ATP6V1C2: variants seen among roughly 807,000 people sequenced by gnomAD.
The protein encoded by ATP6V1C2 is V-type proton ATPase subunit C 2.
ATP6V1C2 carries 45 observed loss-of-function variants against 56.8 expected under a neutral mutation model. That is an observed-to-expected ratio of 0.79 (90% CI 0.62 to 1.02). ATP6V1C2 has a LOEUF of 1.02. ATP6V1C2 is among the 50% of genes least tolerant of loss of function. The pLI is 0.00. For missense variants in ATP6V1C2, 463 were observed against 519.7 expected (o/e 0.89, Z 1.06); for synonymous variants, 220 against 201.3 (o/e 1.09, Z -0.79).
In ATP6V1C2 at chr2:10,764,417, A is replaced by G. The variant is rs559129299; in HGVS notation, c.370A>G (p.Ile124Val). 6.2e-7 allele frequency: 1 copy of G among 1,613,910 alleles called. No homozygotes were observed. Among genetic ancestry groups the G allele is most frequent in the Non-Finnish European group, 8.5e-7 (1 of 1,179,770 alleles). The change falls in exon 5 of 14, where the codon ATA (isoleucine) becomes GTA (valine). Residue 124 changes from isoleucine (I) to valine (V), a missense_variant. Ile to Val is a conservative substitution (Grantham distance 29). Transcript: ENST00000272238. ...GCCGCTCGTGAGTGTGGTGGACACA[A>G]TAGCCAAGGTGAGAAAAGGGACTGC... ...KQPLVSVVDT[I>V]AKQLAQIEMD...
At chr2:10,730,546 T>C (rs1432405233) in intron 3 of ATP6V1C2, among the ~76,000 whole-genome samples, 1 of 151,828 alleles carries the variant, frequency 6.6e-6, no homozygotes, top group East Asian at 1.9e-4. Context: ...TTGCTTTGTA[T>C]GGGATGTTGG....
chr2:10,729,604 C>G (rs1661845841), intron 3 of ATP6V1C2, among the ~76,000 whole-genome samples: 1 of 152,074 alleles, frequency 6.6e-6, no homozygotes, highest in Non-Finnish European at 1.5e-5. Flanking sequence ...GCTTGTAATC[C>G]CAGCACTTTG....
Position 10,746,308 on chromosome 2 carries a change from T to A in ATP6V1C2, c.198-7673T>A, listed in dbSNP as rs1009964626. ...AGCCACTGAGCCCAGCCTTGGCTAT[T>A]GTTAATAATGCCGCTATGTTTATTT... On this transcript the variant is annotated intron_variant, in intron 3 of 13. Transcript: ENST00000272238. 5.3e-5 allele frequency among the ~76,000 whole-genome samples: 8 copies of A among 152,200 alleles called. No homozygotes were observed. The South Asian group carries it at 1.4e-3, about 28-fold the overall frequency.
chr2:10,778,627 T>C lies in ATP6V1C2; in HGVS notation c.1019T>C (p.Ile340Thr). 1 of 1,614,202 alleles carries C rather than the reference T, an allele frequency of 6.2e-7. No homozygotes were observed. Among genetic ancestry groups the C allele is most frequent in the Non-Finnish European group, 8.5e-7 (1 of 1,180,032 alleles). Residue 340 changes from isoleucine to threonine, a missense_variant, in exon 12 of 14, where the codon ATC (isoleucine) becomes ACC (threonine). Transcript: ENST00000272238. ...VNFSEAFIAWIHIKALRVFVE... is the reference protein window; with the variant it reads ...VNFSEAFIAWTHIKALRVFVE... ...TTCAGTGAAGCCTTCATTGCCTGGA[T>C]CCACATCAAGGCCCTGAGAGTGTTT...
intron 3 of ATP6V1C2, among the ~76,000 whole-genome samples, chr2:10,747,287 AAG>A (rs1662971171): frequency 6.6e-6 from 1 of 152,184 alleles, no homozygotes; most frequent in African/African-American, 2.4e-5. Context: ...AAAGAAAAAA[AAG>A]AAAAGAATTC....
At chr2:10,779,665 A>C (rs923055166) in intron 12 of ATP6V1C2, among the ~76,000 whole-genome samples, 1 of 146,936 alleles carries the variant, frequency 6.8e-6, no homozygotes, top group African/African-American at 2.5e-5. Context: ...GAGCCTGGGC[A>C]ACAAGAGAAA....
chr2:10,783,704 T>A lies in ATP6V1C2; in HGVS notation c.*441T>A, dbSNP rs2148524311. Reference sequence around the variant, plus strand: ...TTTCCATGTAAAATCTCTGTTGTGGTGGGCATAGGTGGCACCATCTAAAGA... The same window carrying A: ...TTTCCATGTAAAATCTCTGTTGTGGAGGGCATAGGTGGCACCATCTAAAGA... On this transcript the variant is annotated 3_prime_UTR_variant, in exon 14 of 14. Transcript: ENST00000272238. 1 of 161,006 alleles carries A rather than the reference T, an allele frequency of 6.2e-6. No individual in the cohort carries two copies. The highest frequency in any genetic ancestry group is 1.8e-4 in the South Asian group (1 of 5,504). The allele number at this position is 161,006 out of a possible 1,614,324, so 10.0% of individuals were successfully genotyped here. A position where few individuals can be genotyped will look rare whatever the true frequency, so the allele number is the denominator to read the frequency against.
At chr2:10,728,030 T>C (rs1661744638) in intron 3 of ATP6V1C2, among the ~76,000 whole-genome samples, 1 of 152,242 alleles carries the variant, frequency 6.6e-6, no homozygotes, top group South Asian at 2.1e-4. Flanking sequence ...AGCCAATACA[T>C]GCACAAATAA....
chr2:10,764,732 G>T (rs1268917059), intron 5 of ATP6V1C2, among the ~76,000 whole-genome samples: 3 of 152,242 alleles, frequency 2.0e-5, no homozygotes, highest in African/African-American at 7.2e-5. Context: ...AGCACTTTGG[G>T]AGGCCAAGGT....
chr2:10,759,371 C>A (rs1402731319), intron 4 of ATP6V1C2, among the ~76,000 whole-genome samples: 1 of 152,212 alleles, frequency 6.6e-6, no homozygotes, highest in Non-Finnish European at 1.5e-5. Flanking sequence ...GACAGAAACC[C>A]TCGAGGCTTG....
At chr2:10,760,980 T>C (rs1016532031) in intron 4 of ATP6V1C2, among the ~76,000 whole-genome samples, 1 of 152,218 alleles carries the variant, frequency 6.6e-6, no homozygotes, top group Non-Finnish European at 1.5e-5. Context: ...GCACTTGCTC[T>C]GTGCAGGGTA....
At chr2:10,772,079 C>T (rs1664647546) in intron 7 of ATP6V1C2, 142 bp downstream of exon 7, 1 of 714,736 alleles carries the variant, frequency 1.4e-6, no homozygotes, top group Admixed American at 2.2e-5. Flanking sequence ...TCATGGGGCC[C>T]TGCCTGCGGC....
chr2:10,768,332 G>C, intron 5 of ATP6V1C2: 1 of 203,696 alleles, frequency 4.9e-6, no homozygotes, highest in Non-Finnish European at 9.9e-6. Context: ...CGGCACAGCC[G>C]AGCCAGGAGA....
At chr2:10,766,222 G>T (rs1448613362) in intron 5 of ATP6V1C2, among the ~76,000 whole-genome samples, 1 of 152,178 alleles carries the variant, frequency 6.6e-6, no homozygotes, top group Admixed American at 6.5e-5. Flanking sequence ...AGCAGCAGGG[G>T]CAGAGGCTCC....
intron 2 of ATP6V1C2, among the ~76,000 whole-genome samples, chr2:10,724,728 C>T (rs1187366085): frequency 3.3e-5 from 5 of 150,458 alleles, no homozygotes; most frequent in East Asian, 3.9e-4. Flanking sequence ...GCTGGAATGC[C>T]GTGGTGCAAT....
intron 12 of ATP6V1C2, among the ~76,000 whole-genome samples, chr2:10,779,686 A>AG (rs1385102874): frequency 0.057 from 7,194 of 126,494 alleles, 682 homozygotes; most frequent in African/African-American, 0.19. Context: ...CTCCGGCTAT[A>AG]GAAAAAAAAA....
chr2:10,749,130 C>CAAAA (rs56095492), intron 3 of ATP6V1C2, among the ~76,000 whole-genome samples: 2 of 94,772 alleles, frequency 2.1e-5, no homozygotes, highest in Non-Finnish European at 2.1e-5. Context: ...AACTCCGTCT[C>CAAAA]AAAAAAAAAA....
chr2:10,773,896 GA>G (rs1017290624), intron 8 of ATP6V1C2, among the ~76,000 whole-genome samples: 1 of 152,224 alleles, frequency 6.6e-6, no homozygotes, highest in African/African-American at 2.4e-5. Flanking sequence ...AGGGTGCAAG[GA>G]ACAGGACAAT....
At chr2:10,742,670 C>A (rs1442768288) in intron 3 of ATP6V1C2, among the ~76,000 whole-genome samples, 2 of 152,132 alleles carry the variant, frequency 1.3e-5, no homozygotes, top group Non-Finnish European at 2.9e-5. Flanking sequence ...TCAGGAGCCC[C>A]CCTCACCGTT....
Sources: allele counts gnomAD v4.1 joint callset (sites outside exome capture counted in the v4.1 genomes callset), GRCh38; gene constraint gnomAD v4.1.1; transcripts MANE v1.5; gene names NCBI Gene and HGNC (gene_info 2026-07-23, HGNC 2026-07-21).